Variants in NHS observed in about 807,000 individuals in gnomAD.
NHS encodes actin remodeling regulator NHS.
In NHS, 5 loss-of-function variants were observed where a neutral mutation model predicts 72.5. The observed-to-expected ratio is 0.07, with a 90% CI of 0.04 to 0.14. The LOEUF (loss-of-function observed/expected upper bound fraction) is 0.14. Ranked by LOEUF, NHS falls within the 10% of genes least tolerant of loss-of-function variation. The pLI, the probability that NHS is intolerant of heterozygous loss-of-function variation, is 1.00. For synonymous variants in NHS, 464 were observed against 547.7 expected, an observed-to-expected ratio of 0.85 and a Z score of 2.13; for missense variants, 1,072 against 1,355.7, an observed-to-expected ratio of 0.79 and a Z score of 3.29.
intron 1 of NHS, among the ~76,000 whole-genome samples, chrX:17,528,987 C>G (rs1015002517): frequency 2.7e-5 from 3 of 111,022 alleles, no homozygotes; most frequent in African/African-American, 9.8e-5. Flanking sequence ...ACATCCCTCC[C>G]TTCCTTCTTT....
intron 1 of NHS, among the ~76,000 whole-genome samples, chrX:17,432,518 A>G (rs1033118080): frequency 1.8e-5 from 2 of 112,515 alleles, no homozygotes; most frequent in Non-Finnish European, 3.8e-5. Flanking sequence ...CTTTTATATC[A>G]CTTTGCCTCT....
At chrX:17,670,024 G>A (rs960167858) in intron 1 of NHS, among the ~76,000 whole-genome samples, 3 of 111,897 alleles carry the variant, frequency 2.7e-5, no homozygotes, top group Non-Finnish European at 3.8e-5. Flanking sequence ...CTGTGGCTTC[G>A]CAGAAAACCC....
At chrX:17,380,239 G>T (rs1040546761) in intron 1 of NHS, among the ~76,000 whole-genome samples, 1 of 111,745 alleles carries the variant, frequency 8.9e-6, no homozygotes, top group African/African-American at 3.3e-5. Context: ...ACTGAGAAGA[G>T]GCTATTGAGT....
chrX:17,459,662 T>C lies in NHS; in HGVS notation c.565+83340T>C, dbSNP rs750855555. Among the ~76,000 whole-genome samples, 5 of 112,255 alleles carry C rather than the reference T, an allele frequency of 4.5e-5. No individual in the cohort carries two copies. The South Asian group carries it at 1.1e-3, about 25-fold the overall frequency. ...CCTTCCCTCTCTATCTCCTTTTTCC[T>C]TTCTGACCAAGAGGCTATTGTTGTC... is the stretch of plus-strand genomic sequence containing the variant. On this transcript the variant is annotated intron_variant, in intron 1 of 8. Coordinates refer to ENST00000676302, the MANE Select transcript of NHS (RefSeq NM_001291867.2).
chrX:17,662,786 A>G (rs1278275967), intron 1 of NHS, among the ~76,000 whole-genome samples: 3 of 112,212 alleles, frequency 2.7e-5, no homozygotes, highest in Non-Finnish European at 5.6e-5. Flanking sequence ...CTTTTGGTCT[A>G]TCTCACCACA....
At chrX:17,692,515 C>T in intron 3 of NHS, 47 bp downstream of exon 3, 1 of 1,206,548 alleles carries the variant, frequency 8.3e-7, no homozygotes. Flanking sequence ...GCTGAGGAAA[C>T]ATCAGTTTGT....
intron 1 of NHS, among the ~76,000 whole-genome samples, chrX:17,505,582 C>T (rs2065053640): frequency 9.1e-6 from 1 of 110,246 alleles, no homozygotes; most frequent in Non-Finnish European, 1.9e-5. Context: ...ACAGATTACG[C>T]CTTCTTATTT....
chrX:17,380,474 C>A (rs1192947944), intron 1 of NHS, among the ~76,000 whole-genome samples: 2 of 109,665 alleles, frequency 1.8e-5, no homozygotes, highest in South Asian at 4.1e-4. Flanking sequence ...CATCTCGGCC[C>A]CCCAAGTAGC....
chrX:17,475,332 C>T (rs1030768676), intron 1 of NHS, among the ~76,000 whole-genome samples: 4 of 112,341 alleles, frequency 3.6e-5, no homozygotes, highest in East Asian at 2.8e-4. Flanking sequence ...TCTAGCCACA[C>T]GGAGAACGAA....
At position 17,720,150 on chromosome X, in the gene NHS, G is replaced by A. The variant is rs573923524; in HGVS notation, c.915+744G>A. Among the ~76,000 whole-genome samples, 32 of 111,778 alleles carry A rather than the reference G, an allele frequency of 2.9e-4. No homozygotes were observed. In the South Asian group the frequency reaches 0.012, roughly 40 times the overall value. On this transcript the variant is annotated intron_variant, in intron 4 of 8. Transcript: ENST00000676302. Reference sequence around the variant, plus strand: ...AATATTTTACTAAAACGTTCATGACGAACATATTTTTCCCAAGGGGGGAGT... The same window carrying A: ...AATATTTTACTAAAACGTTCATGACAAACATATTTTTCCCAAGGGGGGAGT...
chrX:17,545,054 G>C (rs918050607), intron 1 of NHS, among the ~76,000 whole-genome samples: 14 of 112,228 alleles, frequency 1.2e-4, no homozygotes, highest in Non-Finnish European at 2.4e-4. Context: ...TGCTCTCCCT[G>C]CTGGGCAGGG....
chrX:17,688,506 A>G (rs1327066807), intron 2 of NHS, among the ~76,000 whole-genome samples: 1 of 111,782 alleles, frequency 8.9e-6, no homozygotes, highest in Non-Finnish European at 1.9e-5. Context: ...CAATCATTGT[A>G]ACAATTAGAA....
At position 17,687,841 on chromosome X, in the gene NHS, G is replaced by A; in HGVS notation, c.665G>A (p.Cys222Tyr). The A allele has an allele frequency of 5.0e-6, 6 of 1,212,032 alleles. No individual in the cohort carries two copies. The highest frequency in any genetic ancestry group is 6.7e-6 in the Non-Finnish European group (6 of 895,583). ...TTCCTCCCAGCCACAAGGCCACCCTGCGTGGAGGAGCTGCACCGCCACGCC... is the reference window on the plus strand; with the variant it reads ...TTCCTCCCAGCCACAAGGCCACCCTACGTGGAGGAGCTGCACCGCCACGCC... ...NIFLPATRPP[C>Y]VEELHRHARQ... Residue 222 changes from cysteine to tyrosine, a missense_variant, in exon 2 of 9, where the codon TGC becomes TAC. Transcript: ENST00000676302.
At chrX:17,722,527 C>T (rs1217801874) in intron 5 of NHS, among the ~76,000 whole-genome samples, 2 of 111,649 alleles carry the variant, frequency 1.8e-5, no homozygotes, top group African/African-American at 6.5e-5. Context: ...ATTAACCCCA[C>T]TCAGATTTCT....
At chrX:17,496,311 C>T (rs1356533622) in intron 1 of NHS, among the ~76,000 whole-genome samples, 1 of 111,190 alleles carries the variant, frequency 9.0e-6, no homozygotes, top group Non-Finnish European at 1.9e-5. Flanking sequence ...TTTCCTCCTC[C>T]AAGGACCCCT....
At chrX:17,653,002 G>A (rs1601818969) in intron 1 of NHS, among the ~76,000 whole-genome samples, 1 of 111,287 alleles carries the variant, frequency 9.0e-6, no homozygotes, top group South Asian at 3.8e-4. Context: ...CAAGCACCCA[G>A]CACAGTACCT....
chrX:17,718,767 GGAAA>G (rs2066383939), intron 3 of NHS, among the ~76,000 whole-genome samples: 2 of 88,531 alleles, frequency 2.3e-5, no homozygotes, highest in South Asian at 6.5e-4. Context: ...AAGGAAGAAA[GGAAA>G]GAAGGAAGGA....
intron 8 of NHS, among the ~76,000 whole-genome samples, chrX:17,729,134 T>C (rs1700548623): frequency 9.0e-6 from 1 of 111,543 alleles, no homozygotes; most frequent in Non-Finnish European, 1.9e-5. Flanking sequence ...TTTTGAATAC[T>C]TTCTTGAACC....
intron 1 of NHS, among the ~76,000 whole-genome samples, chrX:17,616,254 C>T (rs988812307): frequency 8.9e-6 from 1 of 112,671 alleles, no homozygotes; most frequent in Non-Finnish European, 1.9e-5. Context: ...GGCGCCACCT[C>T]TTCAGAGATC....
Sources: allele counts gnomAD v4.1 joint callset (sites outside exome capture counted in the v4.1 genomes callset), GRCh38; gene constraint gnomAD v4.1.1; transcripts MANE v1.5; gene names NCBI Gene and HGNC (gene_info 2026-07-23, HGNC 2026-07-21).